MCF2L2: variants seen among roughly 807,000 people sequenced by gnomAD.
MCF2L2 encodes the protein probable guanine nucleotide exchange factor MCF2L2.
MCF2L2 carries 102 observed loss-of-function variants against 150.2 expected under a neutral mutation model. The observed-to-expected ratio is 0.68, with a 90% CI of 0.58 to 0.80. MCF2L2 has a LOEUF of 0.80. Ranked by LOEUF, MCF2L2 falls within the 30% of genes least tolerant of loss-of-function variation. MCF2L2 has a pLI of 0.00. For missense variants in MCF2L2, 1,256 were observed against 1,372.8 expected (o/e 0.91, Z 1.34); for synonymous variants, 465 against 491.3 (o/e 0.95, Z 0.71).
At chr3:183,344,144 C>G (rs1318414762) in intron 3 of MCF2L2, among the ~76,000 whole-genome samples, 1 of 151,776 alleles carries the variant, frequency 6.6e-6, no homozygotes, top group Non-Finnish European at 1.5e-5. Context: ...CCACCACCCC[C>G]CCCAAAAAAA....
At chr3:183,230,861 A>T (rs1453366478) in intron 16 of MCF2L2, 90 bp downstream of exon 16, 7 of 937,054 alleles carry the variant, frequency 7.5e-6, no homozygotes, top group African/African-American at 1.7e-5. Context: ...AATTCTGGAG[A>T]CTTCTGGCAA....
intron 3 of MCF2L2, among the ~76,000 whole-genome samples, chr3:183,342,143 G>C (rs1730724698): frequency 6.6e-6 from 1 of 152,214 alleles, no homozygotes. Context: ...TAGACAATAT[G>C]CTTGAGAAGA....
At chr3:183,256,200 C>T (rs1725029810) in intron 15 of MCF2L2, among the ~76,000 whole-genome samples, 1 of 152,134 alleles carries the variant, frequency 6.6e-6, no homozygotes, top group Non-Finnish European at 1.5e-5. Context: ...GTTAGAATAA[C>T]CTTGTAAGGA....
chr3:183,422,405 G>A (rs1356212162), intron 1 of MCF2L2, among the ~76,000 whole-genome samples: 1 of 152,190 alleles, frequency 6.6e-6, no homozygotes, highest in Non-Finnish European at 1.5e-5. Flanking sequence ...CAGTAGACTG[G>A]TCTTGGCTTG....
At chr3:183,407,696 T>C (rs910962492) in intron 1 of MCF2L2, among the ~76,000 whole-genome samples, 2 of 152,222 alleles carry the variant, frequency 1.3e-5, no homozygotes, top group African/African-American at 2.4e-5. Context: ...GTTTGTGTAG[T>C]GGAATTTTCC....
chr3:183,244,581 A>G (rs887192893), intron 15 of MCF2L2, among the ~76,000 whole-genome samples: 4 of 152,170 alleles, frequency 2.6e-5, no homozygotes, highest in African/African-American at 9.6e-5. Context: ...CCAATCGTCT[A>G]GTAGGTTCAT....
chr3:183,288,082 C>T (rs528789255), intron 14 of MCF2L2, among the ~76,000 whole-genome samples: 2 of 152,214 alleles, frequency 1.3e-5, no homozygotes, highest in Non-Finnish European at 1.5e-5. Context: ...AAATACACTT[C>T]AGTTTCTAAA....
intron 2 of MCF2L2, among the ~76,000 whole-genome samples, chr3:183,384,125 T>C (rs1350946300): frequency 7.9e-5 from 12 of 152,234 alleles, no homozygotes; most frequent in Admixed American, 7.9e-4. Context: ...AGAACTTAAT[T>C]TCTGTTATGT....
At chr3:183,238,383 C>G (rs982464565) in intron 15 of MCF2L2, among the ~76,000 whole-genome samples, 1 of 151,834 alleles carries the variant, frequency 6.6e-6, no homozygotes, top group South Asian at 2.1e-4. Flanking sequence ...CCACCTCTGC[C>G]TCCCAGGTTC....
At chr3:183,310,684 C>A in intron 9 of MCF2L2, 1 of 493,302 alleles carries the variant, frequency 2.0e-6, no homozygotes, top group South Asian at 2.6e-5. Context: ...GAAGATAAAC[C>A]ATCACTGAAA....
intron 1 of MCF2L2, among the ~76,000 whole-genome samples, chr3:183,405,609 T>G (rs932098227): frequency 4.6e-5 from 7 of 152,364 alleles, no homozygotes; most frequent in African/African-American, 1.7e-4. Flanking sequence ...TCAGATGTAT[T>G]CATATTATCA....
intron 7 of MCF2L2, among the ~76,000 whole-genome samples, chr3:183,312,504 G>T (rs954831699): frequency 6.6e-6 from 1 of 152,198 alleles, no homozygotes; most frequent in Non-Finnish European, 1.5e-5. Context: ...GGCAGAGCCT[G>T]ACCTAGAATT....
chr3:183,261,899 A>G (rs1490865802), intron 15 of MCF2L2, among the ~76,000 whole-genome samples: 2 of 150,338 alleles, frequency 1.3e-5, no homozygotes, highest in Non-Finnish European at 3.0e-5. Context: ...TTTTTCAGCT[A>G]TGTAGAACAC....
chr3:183,350,531 C>A (rs1348001128), intron 3 of MCF2L2, among the ~76,000 whole-genome samples: 3 of 152,152 alleles, frequency 2.0e-5, no homozygotes, highest in Non-Finnish European at 4.4e-5. Flanking sequence ...ATAACATTTT[C>A]ATTTAATAGA....
chr3:183,332,920 T>C (rs1730326740), intron 5 of MCF2L2, among the ~76,000 whole-genome samples: 1 of 152,072 alleles, frequency 6.6e-6, no homozygotes, highest in Admixed American at 6.6e-5. Flanking sequence ...AATTTGATTA[T>C]TAATACAGGA....
At chr3:183,369,148 G>A (rs1364021479) in intron 3 of MCF2L2, among the ~76,000 whole-genome samples, 1 of 152,106 alleles carries the variant, frequency 6.6e-6, no homozygotes, top group Non-Finnish European at 1.5e-5. Flanking sequence ...CTTAGCCAAG[G>A]GAACTTCAGA....
Position 183,223,302 on chromosome 3 carries a change from G to A in MCF2L2, c.2301+44C>T, listed in dbSNP as rs773308024. ...ACGACATGGGCACCACAGTGCAGGC[G>A]TCTGGTTTCCCACCAAGGAAAAGCA... On this transcript the variant is annotated intron_variant, in intron 20 of 29. Coordinates refer to ENST00000328913, the MANE Select transcript of MCF2L2 (RefSeq NM_015078.4). 50 of 1,450,500 alleles carry A rather than the reference G, an allele frequency of 3.4e-5. No homozygotes were observed. In the Admixed American group the frequency reaches 5.7e-4, roughly 17 times the overall value. The allele number at this position is 1,450,500 out of a possible 1,614,324, so 89.9% of individuals were successfully genotyped here. A position where few individuals can be genotyped will look rare whatever the true frequency, so the allele number is the denominator to read the frequency against.
In MCF2L2 at chr3:183,193,104, G is replaced by T. The variant is rs1187362853; in HGVS notation, c.2919-8C>A. 1.2e-6 allele frequency: 2 copies of T among 1,610,246 alleles called. No homozygotes were observed. The highest frequency in any genetic ancestry group is 1.7e-6 in the Non-Finnish European group (2 of 1,176,732). ...CCTGCTCCACTGCCTTTGCTTTAGA[G>T]AAATAAACATGAATATTGAGTCACT... is the stretch of plus-strand genomic sequence containing the variant. On this transcript the variant is annotated splice_polypyrimidine_tract_variant and splice_region_variant and intron_variant, in intron 26 of 29. Transcript: ENST00000328913.
chr3:183,242,934 A>G (rs1724094874), intron 15 of MCF2L2, among the ~76,000 whole-genome samples: 1 of 152,204 alleles, frequency 6.6e-6, no homozygotes, highest in African/African-American at 2.4e-5. Context: ...AATCTCTATG[A>G]GACATGGAGT....
Sources: allele counts gnomAD v4.1 joint callset (sites outside exome capture counted in the v4.1 genomes callset), GRCh38; gene constraint gnomAD v4.1.1; transcripts MANE v1.5; gene names NCBI Gene and HGNC (gene_info 2026-07-23, HGNC 2026-07-21).